The following P2RY14 variants were observed in gnomAD, a reference collection of about 807,000 sequenced individuals.
P2RY14 encodes the protein P2Y purinoceptor 14.
A neutral mutation model predicts 0.9 loss-of-function variants in P2RY14; 2 were observed. The observed-to-expected ratio is 2.16, with a 90% CI of 0.88 to 6.79. P2RY14 has a LOEUF of 6.79. P2RY14 is among the 30% of genes most tolerant of loss of function. The probability of loss-of-function intolerance (pLI) is 0.05; values close to 1 mark genes in which losing one functional copy is unlikely to be tolerated. For synonymous variants in P2RY14, 158 were observed against 147.2 expected (o/e 1.07, Z -0.53); for missense variants, 378 against 400.1 (o/e 0.94, Z 0.47).
At chr3:151,247,450 A>C (rs530450010) in intron 1 of P2RY14, among the ~76,000 whole-genome samples, 2 of 151,976 alleles carry the variant, frequency 1.3e-5, no homozygotes, top group Non-Finnish European at 2.9e-5. Context: ...TGATGAGTTC[A>C]TGTCCTTTGT....
intron 2 of P2RY14, among the ~76,000 whole-genome samples, chr3:151,218,866 C>CAAAAAAAA (rs397686351): frequency 2.8e-5 from 2 of 71,364 alleles, no homozygotes; most frequent in African/African-American, 4.4e-5. Flanking sequence ...GACTCAGTCT[C>CAAAAAAAA]AAAAAAAAAA....
chr3:151,256,487 A>T (rs1737834020), intron 1 of P2RY14, among the ~76,000 whole-genome samples: 1 of 152,170 alleles, frequency 6.6e-6, no homozygotes, highest in Non-Finnish European at 1.5e-5. Context: ...CTCCACAGGG[A>T]GTGTGAATGA....
chr3:151,271,030 AT>A (rs1285243112), intron 1 of P2RY14, among the ~76,000 whole-genome samples: 1 of 150,554 alleles, frequency 6.6e-6, no homozygotes, highest in African/African-American at 2.4e-5. Context: ...AAAAAAAAAA[AT>A]CCCCAAATTT....
intron 1 of P2RY14, among the ~76,000 whole-genome samples, chr3:151,246,366 A>G (rs1308081608): frequency 6.6e-6 from 1 of 152,086 alleles, no homozygotes; most frequent in Admixed American, 6.6e-5. Flanking sequence ...CCTGACTTCA[A>G]ACTATACTAC....
chr3:151,232,311 G>A (rs1031487632), intron 1 of P2RY14, among the ~76,000 whole-genome samples: 1 of 152,178 alleles, frequency 6.6e-6, no homozygotes, highest in African/African-American at 2.4e-5. Flanking sequence ...TCCCACCAAT[G>A]TGTGGAAGTG....
intron 1 of P2RY14, among the ~76,000 whole-genome samples, chr3:151,268,949 G>A (rs562701144): frequency 1.3e-5 from 2 of 152,284 alleles, no homozygotes; most frequent in African/African-American, 2.4e-5. Flanking sequence ...TCTTCCTGAC[G>A]AGAAAGAAGA....
chr3:151,228,709 A>G (rs904885849), intron 1 of P2RY14, among the ~76,000 whole-genome samples: 1 of 152,160 alleles, frequency 6.6e-6, no homozygotes, highest in Middle Eastern at 3.2e-3. Context: ...ACCAGTCCCT[A>G]CACAATGCTA....
At chr3:151,241,449 A>G (rs73021201) in intron 1 of P2RY14, among the ~76,000 whole-genome samples, 72,573 of 151,984 alleles carry the variant, frequency 0.48, 17,684 homozygotes, top group Middle Eastern at 0.62. Flanking sequence ...CTAGCGACTT[A>G]TTAAATGTTT....
chr3:151,239,569 A>G (rs1391002421), intron 1 of P2RY14, among the ~76,000 whole-genome samples: 6 of 152,224 alleles, frequency 3.9e-5, no homozygotes, highest in Non-Finnish European at 7.3e-5. Flanking sequence ...TAAAAATGTT[A>G]CTTGTGTTAA....
At chr3:151,250,391 A>G (rs1187924764) in intron 1 of P2RY14, among the ~76,000 whole-genome samples, 2 of 152,176 alleles carry the variant, frequency 1.3e-5, no homozygotes, top group Non-Finnish European at 2.9e-5. Flanking sequence ...AACTGTTTTC[A>G]TCTTGCAAAA....
chr3:151,276,506 T>C (rs780802668), intron 1 of P2RY14, among the ~76,000 whole-genome samples: 5 of 152,234 alleles, frequency 3.3e-5, no homozygotes, highest in African/African-American at 1.2e-4. Flanking sequence ...TTTGGTATTC[T>C]AGAGACTGCT....
At chr3:151,219,102 G>A (rs1418789337) in intron 2 of P2RY14, among the ~76,000 whole-genome samples, 1 of 152,184 alleles carries the variant, frequency 6.6e-6, no homozygotes, top group African/African-American at 2.4e-5. Flanking sequence ...TTATTAAAGT[G>A]TAGTGGGAGC....
intron 1 of P2RY14, among the ~76,000 whole-genome samples, chr3:151,248,340 A>G (rs1475711789): frequency 3.3e-5 from 5 of 152,198 alleles, no homozygotes; most frequent in South Asian, 2.1e-4. Context: ...TTAATATTTT[A>G]GAGAAGACAT....
intron 1 of P2RY14, among the ~76,000 whole-genome samples, chr3:151,264,376 A>G (rs1054707708): frequency 6.6e-6 from 1 of 152,242 alleles, no homozygotes; most frequent in African/African-American, 2.4e-5. Context: ...AACTCTTCTC[A>G]CGAGGGCAGT....
At chr3:151,262,351 C>G (rs1739066955) in intron 1 of P2RY14, among the ~76,000 whole-genome samples, 5 of 152,118 alleles carry the variant, frequency 3.3e-5, no homozygotes, top group Non-Finnish European at 7.3e-5. Flanking sequence ...TGTGGTTTGC[C>G]CCCAACTTTT....
chr3:151,251,952 T>C (rs926387800), intron 1 of P2RY14, among the ~76,000 whole-genome samples: 3 of 152,214 alleles, frequency 2.0e-5, no homozygotes, highest in African/African-American at 7.2e-5. Flanking sequence ...AGCTTTGAAG[T>C]CACAGATTTT....
intron 2 of P2RY14, among the ~76,000 whole-genome samples, chr3:151,219,308 C>G (rs77966988): frequency 0.022 from 3,290 of 152,324 alleles, 121 homozygotes; most frequent in East Asian, 0.18. Context: ...GCATTGCTCA[C>G]TCCAGAAATA....
chr3:151,276,430 G>A (rs1235792190), intron 1 of P2RY14, among the ~76,000 whole-genome samples: 1 of 152,208 alleles, frequency 6.6e-6, no homozygotes, highest in African/African-American at 2.4e-5. Flanking sequence ...CTGCAGGTGA[G>A]GATGCTCATG....
In P2RY14 at chr3:151,213,161, T is replaced by C; in HGVS notation, c.*139A>G. 1.5e-6 allele frequency: 1 copy of C among 648,022 alleles called. No individual in the cohort carries two copies. Among genetic ancestry groups the C allele is most frequent in the East Asian group, 2.8e-5 (1 of 36,208 alleles). 40.1% of individuals were successfully genotyped at this position (648,022 alleles called of 1,614,324 possible). On this transcript the variant is annotated 3_prime_UTR_variant, in exon 3 of 3. Transcript: ENST00000309170. Reference sequence around the variant, plus strand: ...TTACAAAAAAGCATGGAAACTTATATTTGAATTTTATTGAACTAAATTGGA... The same window carrying C: ...TTACAAAAAAGCATGGAAACTTATACTTGAATTTTATTGAACTAAATTGGA...
Sources: allele counts gnomAD v4.1 joint callset (sites outside exome capture counted in the v4.1 genomes callset), GRCh38; gene constraint gnomAD v4.1.1; transcripts MANE v1.5; gene names NCBI Gene and HGNC (gene_info 2026-07-23, HGNC 2026-07-21).